The following PBX1 variants were observed in gnomAD, a reference collection of about 807,000 sequenced individuals.
PBX1 encodes pre-B-cell leukemia transcription factor 1.
In PBX1, 6 loss-of-function variants were observed where a neutral mutation model predicts 53.4. That is an observed-to-expected ratio of 0.11 (90% CI 0.06 to 0.22). PBX1 has a LOEUF of 0.22. PBX1 is among the 10% of genes least tolerant of loss of function. The probability of loss-of-function intolerance (pLI) is 1.00; values close to 1 mark genes in which losing one functional copy is unlikely to be tolerated. For synonymous variants in PBX1, 204 were observed against 212.3 expected (o/e 0.96, Z 0.34); for missense variants, 251 against 551.4 (o/e 0.46, Z 5.46).
intron 8 of PBX1, among the ~76,000 whole-genome samples, chr1:164,836,249 T>G (rs1243537469): frequency 6.6e-6 from 1 of 152,142 alleles, no homozygotes; most frequent in East Asian, 1.9e-4. Context: ...AACTTTGACA[T>G]CTCACCATCA....
At chr1:164,779,500 A>G (rs904095790) in intron 2 of PBX1, among the ~76,000 whole-genome samples, 4 of 152,204 alleles carry the variant, frequency 2.6e-5, no homozygotes, top group Non-Finnish European at 5.9e-5. Flanking sequence ...ATAAGTGGAC[A>G]TGACCAGTCT....
At chr1:164,657,258 T>C (rs1000174784) in intron 2 of PBX1, 3 of 152,182 alleles carry the variant, frequency 2.0e-5, no homozygotes, top group African/African-American at 7.2e-5. Flanking sequence ...TAATTGAACA[T>C]TTTTAGGATG....
At chr1:164,647,558 T>TA (rs1659532605) in intron 2 of PBX1, among the ~76,000 whole-genome samples, 1 of 152,204 alleles carries the variant, frequency 6.6e-6, no homozygotes, top group Admixed American at 6.5e-5. Context: ...CTTTCCTTTT[T>TA]AGGTGAGCAG....
chr1:164,773,236 A>AACATGCACAC (rs1667464031), intron 2 of PBX1, among the ~76,000 whole-genome samples: 2 of 48,010 alleles, frequency 4.2e-5, no homozygotes, highest in African/African-American at 2.0e-4. Flanking sequence ...GCATATAGGT[A>AACATGCACAC]ACACGCGCAC....
chr1:164,773,080 G>C (rs1439057042), intron 2 of PBX1: 1 of 152,170 alleles, frequency 6.6e-6, no homozygotes, highest in Non-Finnish European at 1.5e-5. Context: ...CCCACTAAGA[G>C]CAGTTGTTCT....
intron 2 of PBX1, among the ~76,000 whole-genome samples, chr1:164,654,475 G>A (rs188484744): frequency 1.3e-5 from 2 of 152,238 alleles, no homozygotes; most frequent in South Asian, 2.1e-4. Flanking sequence ...CACTGCTTCA[G>A]CTGGGTTGAA....
intron 2 of PBX1, among the ~76,000 whole-genome samples, chr1:164,762,947 A>G (rs1000749051): frequency 2.6e-5 from 4 of 152,210 alleles, no homozygotes; most frequent in African/African-American, 9.7e-5. Context: ...CAGCTGTACT[A>G]ATATTGGTAT....
intron 8 of PBX1, among the ~76,000 whole-genome samples, chr1:164,822,885 G>A (rs979989730): frequency 1.3e-5 from 2 of 152,162 alleles, no homozygotes; most frequent in African/African-American, 4.8e-5. Context: ...GAAGGGGTTG[G>A]CTGCCCTTAA....
intron 2 of PBX1, among the ~76,000 whole-genome samples, chr1:164,750,656 G>GA: frequency 6.6e-6 from 1 of 152,264 alleles, no homozygotes; most frequent in Admixed American, 6.5e-5. Context: ...GGAGGCTTGG[G>GA]AAAAATGTTC....
intron 2 of PBX1, among the ~76,000 whole-genome samples, chr1:164,723,523 C>A: frequency 6.6e-6 from 1 of 152,192 alleles, no homozygotes; most frequent in Non-Finnish European, 1.5e-5. Context: ...GATGAATATA[C>A]AAACCCTCAG....
At chr1:164,871,731 G>A (rs1443268943) in intron 2 of PBX1, among the ~76,000 whole-genome samples, 1 of 152,082 alleles carries the variant, frequency 6.6e-6, no homozygotes, top group Non-Finnish European at 1.5e-5. Flanking sequence ...GAGTGGTGAA[G>A]GTGGCCAAAG....
At chr1:164,660,959 C>CAGG (rs1660453775) in intron 2 of PBX1, among the ~76,000 whole-genome samples, 1 of 152,146 alleles carries the variant, frequency 6.6e-6, no homozygotes, top group African/African-American at 2.4e-5. Context: ...TATACCTGTA[C>CAGG]TATTCTGGTA....
At chr1:164,779,371 G>A (rs1043950150) in intron 2 of PBX1, among the ~76,000 whole-genome samples, 5 of 152,078 alleles carry the variant, frequency 3.3e-5, no homozygotes, top group East Asian at 1.9e-4. Flanking sequence ...ACAACTGACC[G>A]AGAGACCAAC....
chr1:164,793,818 TC>T (rs1459141914), intron 3 of PBX1, among the ~76,000 whole-genome samples: 1 of 135,284 alleles, frequency 7.4e-6, no homozygotes, highest in Non-Finnish European at 1.8e-5. Flanking sequence ...TTTTTTCGTT[TC>T]TTCTTTTCTT....
At chr1:164,634,508 GA>G (rs1249003396) in intron 2 of PBX1, among the ~76,000 whole-genome samples, 1 of 152,152 alleles carries the variant, frequency 6.6e-6, no homozygotes, top group African/African-American at 2.4e-5. Flanking sequence ...GAGTGGACCT[GA>G]CTACTATGGC....
chr1:164,830,592 T>A (rs1345567495), intron 8 of PBX1, among the ~76,000 whole-genome samples: 1 of 152,212 alleles, frequency 6.6e-6, no homozygotes, highest in African/African-American at 2.4e-5. Flanking sequence ...TTTTTCACTG[T>A]GTCAGCCACT....
At chr1:164,585,386 G>A (rs1266111693) in intron 2 of PBX1, among the ~76,000 whole-genome samples, 3 of 152,320 alleles carry the variant, frequency 2.0e-5, no homozygotes, top group East Asian at 1.9e-4. Flanking sequence ...AAGGAGTAGT[G>A]AGAAACTCAG....
At chr1:164,728,536 C>T (rs1260988441) in intron 2 of PBX1, among the ~76,000 whole-genome samples, 2 of 152,048 alleles carry the variant, frequency 1.3e-5, no homozygotes, top group South Asian at 2.1e-4. Context: ...TAACATTTCC[C>T]CACAGGCAGC....
At position 164,749,434 on chromosome 1, in the gene PBX1, G is replaced by C. The variant is rs192953612; in HGVS notation, c.266-43060G>C. ...AATAGCATTTAGTATAGCCAGTCCT[G>C]GATAGACACAGAAAGAAAATGATAC... is the stretch of plus-strand genomic sequence containing the variant. On this transcript the variant is annotated intron_variant, in intron 2 of 8. Coordinates refer to ENST00000420696, the MANE Select transcript of PBX1 (RefSeq NM_002585.4). 5.1e-3 allele frequency among the ~76,000 whole-genome samples: 776 copies of C among 152,228 alleles called. 10 individuals carry two copies. The highest frequency in any genetic ancestry group is 0.024 in the Admixed American group (369 of 15,292).
Sources: gnomAD v4.1 joint callset for allele counts (sites outside exome capture counted in the v4.1 genomes callset) on GRCh38, gnomAD v4.1.1 for gene constraint, MANE v1.5 for transcripts, NCBI Gene and HGNC (gene_info 2026-07-23, HGNC 2026-07-21) for gene names.